SH3RF3: variants seen among roughly 807,000 people sequenced by gnomAD.
SH3RF3 encodes the protein E3 ubiquitin-protein ligase SH3RF3.
SH3RF3 carries 29 observed loss-of-function variants against 66.3 expected under a neutral mutation model. The observed-to-expected ratio is 0.44, with a 90% CI of 0.33 to 0.60. The LOEUF (loss-of-function observed/expected upper bound fraction) is 0.60, where lower values mean the gene tolerates loss of function less well. SH3RF3 is among the 20% of genes least tolerant of loss of function. The probability of loss-of-function intolerance (pLI) is 0.04; values close to 1 mark genes in which losing one functional copy is unlikely to be tolerated. For synonymous variants in SH3RF3, 583 were observed against 532.0 expected, an observed-to-expected ratio of 1.10 and a Z score of -1.32; for missense variants, 1,194 against 1,190.9, an observed-to-expected ratio of 1.00 and a Z score of -0.04.
At chr2:109,251,168 A>C (rs1680082686) in intron 1 of SH3RF3, among the ~76,000 whole-genome samples, 1 of 151,758 alleles carries the variant, frequency 6.6e-6, no homozygotes, top group East Asian at 1.9e-4. Flanking sequence ...ATGCCTGGCT[A>C]ATTTTTTTAT....
chr2:109,496,081 T>C (rs1478902293), intron 9 of SH3RF3, among the ~76,000 whole-genome samples: 2 of 152,200 alleles, frequency 1.3e-5, no homozygotes, highest in East Asian at 3.9e-4. Flanking sequence ...CCAGCTTTTA[T>C]TCCCTTATTT....
chr2:109,353,540 C>T (rs1199505344), intron 2 of SH3RF3, among the ~76,000 whole-genome samples: 9 of 152,180 alleles, frequency 5.9e-5, no homozygotes, highest in Non-Finnish European at 8.8e-5. Flanking sequence ...CCTGGAGGGA[C>T]GTGGAGGGAA....
intron 1 of SH3RF3, among the ~76,000 whole-genome samples, chr2:109,317,090 T>C (rs1429608716): frequency 1.3e-5 from 2 of 152,216 alleles, no homozygotes; most frequent in African/African-American, 4.8e-5. Context: ...CTGGCAGTTA[T>C]GAATAAAGCT....
intron 1 of SH3RF3, among the ~76,000 whole-genome samples, chr2:109,315,571 T>G (rs1419662169): frequency 4.6e-5 from 7 of 152,214 alleles, no homozygotes; most frequent in Non-Finnish European, 1.0e-4. Flanking sequence ...GTGCCTGTTG[T>G]GCACTGTCTG....
In SH3RF3 at chr2:109,432,537, T is replaced by C; in HGVS notation, c.1440T>C (p.Ser480=). The change falls in exon 6 of 10, where the codon AGT becomes AGC. Residue 480 remains serine (S), a synonymous_variant. Coordinates refer to ENST00000309415, the MANE Select transcript of SH3RF3 (RefSeq NM_001099289.3). ...TCTACGCCTACAAGCCCCAGAAGAG[T>C]GACGAGCTGGAGCTGCACAAGGGAG... ...LALYAYKPQK[S]DELELHKGEM... is the part of the protein sequence containing the mutation. 1 of 1,613,144 alleles carries C rather than the reference T, an allele frequency of 6.2e-7. No homozygotes were observed. Among genetic ancestry groups the C allele is most frequent in the Non-Finnish European group, 8.5e-7 (1 of 1,179,714 alleles).
At chr2:109,324,282 T>C (rs1490437868) in intron 1 of SH3RF3, among the ~76,000 whole-genome samples, 1 of 152,150 alleles carries the variant, frequency 6.6e-6, no homozygotes, top group Non-Finnish European at 1.5e-5. Context: ...GATGTACAAG[T>C]TTTTTGTGGA....
intron 1 of SH3RF3, among the ~76,000 whole-genome samples, chr2:109,161,405 C>T (rs1245336293): frequency 3.9e-5 from 6 of 152,052 alleles, no homozygotes; most frequent in Non-Finnish European, 5.9e-5. Context: ...CCTTCGTTTC[C>T]TTTCTGTCCA....
At chr2:109,147,018 T>C (rs911686961) in intron 1 of SH3RF3, among the ~76,000 whole-genome samples, 2 of 151,704 alleles carry the variant, frequency 1.3e-5, no homozygotes, top group African/African-American at 4.8e-5. Context: ...TGATGATGTC[T>C]CAGGCTTTCT....
chr2:109,214,867 A>G (rs1054918713), intron 1 of SH3RF3, among the ~76,000 whole-genome samples: 79 of 152,296 alleles, frequency 5.2e-4, no homozygotes, highest in African/African-American at 1.4e-3. Flanking sequence ...CGCGGACAGC[A>G]GTGTTTTGGG....
chr2:109,305,651 A>G (rs895355339), intron 1 of SH3RF3, among the ~76,000 whole-genome samples: 1 of 152,146 alleles, frequency 6.6e-6, no homozygotes, highest in African/African-American at 2.4e-5. Context: ...CCTCATGTGC[A>G]CTCAGCATTC....
chr2:109,273,847 G>A lies in SH3RF3; in HGVS notation c.574-73827G>A, dbSNP rs1176786057. On this transcript the variant is annotated intron_variant, in intron 1 of 9. Transcript: ENST00000309415. Reference sequence around the variant, plus strand: ...AGCATACATGCTGATTGCTTATAAAGGGGTTGCTTGAAGTGAAAGGAAACA... The same window carrying A: ...AGCATACATGCTGATTGCTTATAAAAGGGTTGCTTGAAGTGAAAGGAAACA... 3.9e-5 allele frequency among the ~76,000 whole-genome samples: 6 copies of A among 152,132 alleles called. No individual in the cohort carries two copies. In the East Asian group the frequency reaches 1.2e-3, roughly 29 times the overall value.
intron 1 of SH3RF3, among the ~76,000 whole-genome samples, chr2:109,136,005 T>C (rs1220891185): frequency 1.3e-5 from 2 of 152,156 alleles, no homozygotes; most frequent in Non-Finnish European, 2.9e-5. Flanking sequence ...TAGGACACAA[T>C]AGCTTGTCTA....
chr2:109,385,121 G>A (rs13426343), intron 3 of SH3RF3, among the ~76,000 whole-genome samples: 7,788 of 152,216 alleles, frequency 0.051, 628 homozygotes, highest in African/African-American at 0.18. Flanking sequence ...CCAGACCCCT[G>A]CCCACGTTGG....
rs749053745 is a variant in SH3RF3 at position 109,357,722 on chromosome 2, A to G, written c.849+9773A>G. On this transcript the variant is annotated intron_variant, in intron 2 of 9. Coordinates refer to ENST00000309415, the MANE Select transcript of SH3RF3 (RefSeq NM_001099289.3). Reference sequence around the variant, plus strand: ...AGGGCACTGTAGTTTGCTCATTTTCATTGCTCTGTGGTGCTATTTTAGATT... The same window carrying G: ...AGGGCACTGTAGTTTGCTCATTTTCGTTGCTCTGTGGTGCTATTTTAGATT... Among the ~76,000 whole-genome samples, 12 of 152,058 alleles carry G rather than the reference A, an allele frequency of 7.9e-5. No individual in the cohort carries two copies. In the South Asian group the frequency reaches 2.5e-3, roughly 32 times the overall value.
intron 1 of SH3RF3, among the ~76,000 whole-genome samples, chr2:109,247,810 G>C (rs548004850): frequency 1.3e-5 from 2 of 152,128 alleles, no homozygotes; most frequent in Non-Finnish European, 2.9e-5. Context: ...GTGTTGGCTG[G>C]GGTTACTGGG....
chr2:109,170,372 A>T (rs1228529382), intron 1 of SH3RF3, among the ~76,000 whole-genome samples: 1 of 140,254 alleles, frequency 7.1e-6, no homozygotes, highest in Non-Finnish European at 1.5e-5. Flanking sequence ...TTTTGACCAC[A>T]TCTTGTTCTG....
At chr2:109,372,265 G>A (rs1056610686) in intron 3 of SH3RF3, among the ~76,000 whole-genome samples, 6 of 152,172 alleles carry the variant, frequency 3.9e-5, no homozygotes, top group Admixed American at 2.6e-4. Context: ...TAGTGAGTAC[G>A]TTTAGGGTAG....
chr2:109,260,903 T>G (rs967763582), intron 1 of SH3RF3, among the ~76,000 whole-genome samples: 1 of 152,170 alleles, frequency 6.6e-6, no homozygotes, highest in African/African-American at 2.4e-5. Flanking sequence ...AACCCCATCC[T>G]GCCTCTGCTG....
intron 1 of SH3RF3, among the ~76,000 whole-genome samples, chr2:109,201,024 G>A (rs1678659181): frequency 1.3e-5 from 2 of 152,162 alleles, no homozygotes; most frequent in Non-Finnish European, 2.9e-5. Flanking sequence ...GTGGCTGTGG[G>A]GACCTGGGTG....
Sources: allele counts gnomAD v4.1 joint callset (sites outside exome capture counted in the v4.1 genomes callset), GRCh38; gene constraint gnomAD v4.1.1; transcripts MANE v1.5; gene names NCBI Gene and HGNC (gene_info 2026-07-23, HGNC 2026-07-21).